Variants in HNRNPU observed in about 807,000 individuals in gnomAD.
The protein encoded by HNRNPU is heterogeneous nuclear ribonucleoprotein U.
HNRNPU carries 5 observed loss-of-function variants against 94.7 expected under a neutral mutation model. The observed-to-expected ratio is 0.05, with a 90% CI of 0.03 to 0.11. The LOEUF is 0.11. HNRNPU is among the 10% of genes least tolerant of loss of function. The pLI is 1.00. For synonymous variants in HNRNPU, 434 were observed against 381.6 expected, an observed-to-expected ratio of 1.14 and a Z score of -1.60; for missense variants, 710 against 1,049.2, an observed-to-expected ratio of 0.68 and a Z score of 4.47.
At chr1:244,854,611 T>G (rs1413683558) in intron 13 of HNRNPU, 108 bp from the exon 14 acceptor site, 37 of 772,266 alleles carry the variant, frequency 4.8e-5, no homozygotes, top group Non-Finnish European at 7.5e-5. Context: ...GGAAACAAAT[T>G]TATACCTGTC....
At chr1:244,857,763 C>T in intron 7 of HNRNPU, 46 bp from the exon 8 acceptor site, 1 of 1,583,352 alleles carries the variant, frequency 6.3e-7, no homozygotes, top group East Asian at 2.2e-5. Context: ...GTAGACACCA[C>T]CTAATAATTC....
rs1315614504 is a variant in HNRNPU at position 244,852,536 on chromosome 1, T to C, written c.*1914A>G. The C allele has an allele frequency of 6.6e-6, 1 of 152,174 alleles. No homozygotes were observed. The highest frequency in any genetic ancestry group is 1.5e-5 in the Non-Finnish European group (1 of 68,018). The allele number at this position is 152,174 out of a possible 1,614,324, so 9.4% of individuals were successfully genotyped here. A position where few individuals can be genotyped will look rare whatever the true frequency, so the allele number is the denominator to read the frequency against. ...GTAAGTCTATGCAATCCTAATAATG[T>C]ATACTGAAGAGTAGTAGCTCAGGCC... On this transcript the variant is annotated 3_prime_UTR_variant, in exon 14 of 14. Coordinates refer to ENST00000640218, the MANE Select transcript of HNRNPU (RefSeq NM_031844.3).
In HNRNPU at chr1:244,856,494, C is replaced by G. The variant is rs774533310; in HGVS notation, c.1875G>C (p.Gly625=). 1.2e-5 allele frequency: 20 copies of G among 1,613,790 alleles called. No homozygotes were observed. Among genetic ancestry groups the G allele is most frequent in the Admixed American group, 1.7e-5 (1 of 59,992 alleles). Residue 625 remains glycine (G), a synonymous_variant, in exon 10 of 14, where the codon GGG becomes GGC. Coordinates refer to ENST00000640218, the MANE Select transcript of HNRNPU (RefSeq NM_031844.3). Reference sequence around the variant, plus strand: ...GGACCGCATGTTCTGGTAGGTCTTTCCCCTCTACTTCTGCTTTCTTCTGTG... The same window carrying G: ...GGACCGCATGTTCTGGTAGGTCTTTGCCCTCTACTTCTGCTTTCTTCTGTG... ...QRTQKKAEVE[G]KDLPEHAVLK...
In HNRNPU at chr1:244,852,134, G is replaced by GT. The variant is rs1680564014; in HGVS notation, c.*2315dup. On this transcript the variant is annotated 3_prime_UTR_variant, in exon 14 of 14. Transcript: ENST00000640218. ...GAGCAATAAATCAGGTTTCTCGTTCGTATCTTACTTCTTACCTAATTTTCT... is the reference window on the plus strand; with the variant it reads ...GAGCAATAAATCAGGTTTCTCGTTCGTTATCTTACTTCTTACCTAATTTTCT... 6.6e-6 allele frequency: 1 copy of GT among 152,108 alleles called. No homozygotes were observed. The highest frequency in any genetic ancestry group is 6.6e-5 in the Admixed American group (1 of 15,256). The allele number at this position is 152,108 out of a possible 1,614,324, so 9.4% of individuals were successfully genotyped here.
At chr1:244,862,838 G>A (rs553646385) in intron 1 of HNRNPU, 108 bp from the exon 2 acceptor site, 47 of 775,616 alleles carry the variant, frequency 6.1e-5, no homozygotes, top group South Asian at 4.6e-4. Context: ...TTTAACTGAG[G>A]TTTTAACCGA....
At chr1:244,855,645 T>C (rs368090978) in intron 11 of HNRNPU, 37 bp from the exon 12 acceptor site, 2 of 1,591,484 alleles carry the variant, frequency 1.3e-6, no homozygotes, top group South Asian at 1.1e-5. Context: ...CATTGTATAT[T>C]GTACCCTACT....
chr1:244,860,529 C>T, intron 3 of HNRNPU, 55 bp from the exon 4 acceptor site: 1 of 1,407,092 alleles, frequency 7.1e-7, no homozygotes, highest in South Asian at 1.2e-5. Flanking sequence ...AACATATCTG[C>T]TATGTAGACA....
chr1:244,855,689 CCTTT>C, intron 11 of HNRNPU, 81 bp from the exon 12 acceptor site: 2 of 1,438,624 alleles, frequency 1.4e-6, no homozygotes, highest in Non-Finnish European at 1.9e-6. Context: ...CTAGATTGTT[CCTTT>C]TTCTCCAAAA....
chr1:244,855,799 G>A (rs1328684217), intron 11 of HNRNPU, 105 bp downstream of exon 11: 1 of 1,364,852 alleles, frequency 7.3e-7, no homozygotes, highest in Non-Finnish European at 1.0e-6. Flanking sequence ...TAGTTACTGT[G>A]ACAGTATACC....
chr1:244,860,801 G>C, intron 3 of HNRNPU: 1 of 322,712 alleles, frequency 3.1e-6, no homozygotes, highest in Non-Finnish European at 5.6e-6. Flanking sequence ...AAGCAGTAGA[G>C]GATAGCAGGA....
In HNRNPU at chr1:244,860,493, CTG is replaced by C. The variant is rs766229004; in HGVS notation, c.878-21_878-20del. On this transcript the variant is annotated intron_variant, in intron 3 of 13. Coordinates refer to ENST00000640218, the MANE Select transcript of HNRNPU (RefSeq NM_031844.3). ...CAATTATCTGTAATTATATCAAATACTGTGTTACTTTTGACATCCAATGTAAA... is the reference window on the plus strand; with the variant it reads ...CAATTATCTGTAATTATATCAAATACTGTTACTTTTGACATCCAATGTAAA... 5.7e-6 allele frequency: 9 copies of C among 1,579,362 alleles called. No individual in the cohort carries two copies. Among genetic ancestry groups the C allele is most frequent in the African/African-American group, 2.7e-5 (2 of 74,210 alleles).
intron 8 of HNRNPU, chr1:244,857,397 C>T: frequency 1.9e-6 from 1 of 513,174 alleles, no homozygotes; most frequent in East Asian, 3.5e-5. Context: ...CAGGAACCCA[C>T]TACCACACCC....
chr1:244,856,652 A>C (rs778835523), intron 9 of HNRNPU, 27 bp from the exon 10 acceptor site: 70 of 1,610,046 alleles, frequency 4.3e-5, no homozygotes, highest in Non-Finnish European at 5.5e-5. Context: ...TTATGTTTAC[A>C]ACCCTAAACA....
At chr1:244,854,535 A>C in intron 13 of HNRNPU, 32 bp from the exon 14 acceptor site, 2 of 1,397,086 alleles carry the variant, frequency 1.4e-6, no homozygotes, top group Non-Finnish European at 2.0e-6. Flanking sequence ...TTAAAGAAAA[A>C]ACATCAATAA....
In HNRNPU at chr1:244,850,572, T is replaced by C. The variant is rs1320740988; in HGVS notation, c.*3878A>G. ...TAACAATTCGAAGAGACTTGTGGTT[T>C]ATGTATTAGTAATTCAAATTACTGT... On this transcript the variant is annotated 3_prime_UTR_variant, in exon 14 of 14. Coordinates refer to ENST00000640218, the MANE Select transcript of HNRNPU (RefSeq NM_031844.3). 6.7e-6 allele frequency: 1 copy of C among 149,284 alleles called. No homozygotes were observed. Among genetic ancestry groups the C allele is most frequent in the Non-Finnish European group, 1.5e-5 (1 of 67,770 alleles). 9.2% of individuals were successfully genotyped at this position (149,284 alleles called of 1,614,324 possible).
chr1:244,855,882 A>G (rs1258730518), intron 11 of HNRNPU, 22 bp downstream of exon 11: 4 of 1,612,336 alleles, frequency 2.5e-6, no homozygotes, highest in Non-Finnish European at 3.4e-6. Flanking sequence ...AACTAAATAC[A>G]GAACACTCAA....
Position 244,864,376 on chromosome 1 carries a change from G to T in HNRNPU, c.-69C>A. Reference sequence around the variant, plus strand: ...CTCCGCTCACTCGGCCACTGGTGGCGGCTGCTGCGGCTGCTCCTCGGCCCG... The same window carrying T: ...CTCCGCTCACTCGGCCACTGGTGGCTGCTGCTGCGGCTGCTCCTCGGCCCG... On this transcript the variant is annotated 5_prime_UTR_variant, in exon 1 of 14. Coordinates refer to ENST00000640218, the MANE Select transcript of HNRNPU (RefSeq NM_031844.3). The T allele has an allele frequency of 6.3e-7, 1 of 1,584,894 alleles. No individual in the cohort carries two copies. The highest frequency in any genetic ancestry group is 1.9e-5 in the Admixed American group (1 of 51,608).
rs189965735 is a variant in HNRNPU, at chr1:244,858,682, A to G, written c.1230+47T>C. ...AAGCTTCTTTAAAGTTCCTAGATATAGCTACTAACTTTGCCATTTATACAT... is the reference window on the plus strand; with the variant it reads ...AAGCTTCTTTAAAGTTCCTAGATATGGCTACTAACTTTGCCATTTATACAT... On this transcript the variant is annotated intron_variant, in intron 6 of 13. Coordinates refer to ENST00000640218, the MANE Select transcript of HNRNPU (RefSeq NM_031844.3). The G allele has an allele frequency of 8.6e-4, 843 of 980,434 alleles. 4 individuals carry two copies. The African/African-American group carries it at 0.011, about 13-fold the overall frequency. 60.7% of individuals were successfully genotyped at this position (980,434 alleles called of 1,614,324 possible).
rs1553283725 is a variant in HNRNPU, at chr1:244,863,420, A to ACG, written c.691+195_691+196dup. On this transcript the variant is annotated intron_variant, in intron 1 of 13. Transcript: ENST00000640218. ...GACACACACACACACACACACACAC[A>ACG]CGCGCGCGCGCACACACACGCCCCG... is the stretch of plus-strand genomic sequence containing the variant. 0.088 allele frequency among the ~76,000 whole-genome samples: 12,178 copies of ACG among 138,694 alleles called. 800 individuals are homozygous for ACG. Among genetic ancestry groups the ACG allele is most frequent in the Admixed American group, 0.22 (3,123 of 14,380 alleles). 91.0% of individuals were successfully genotyped at this position (138,694 alleles called of 152,430 possible). A position where few individuals can be genotyped will look rare whatever the true frequency, so the allele number is the denominator to read the frequency against.
Sources: allele counts gnomAD v4.1 joint callset (sites outside exome capture counted in the v4.1 genomes callset), GRCh38; gene constraint gnomAD v4.1.1; transcripts MANE v1.5; gene names NCBI Gene and HGNC (gene_info 2026-07-23, HGNC 2026-07-21).